NR6A1: variants seen among roughly 807,000 people sequenced by gnomAD.
NR6A1 encodes retinoic acid receptor-related testis-associated receptor.
Under a neutral mutation model 59.1 loss-of-function variants are expected in NR6A1, and 7 were observed. The observed-to-expected ratio is 0.12, with a 90% CI of 0.07 to 0.22. NR6A1 has a LOEUF of 0.22. Ranked by LOEUF, NR6A1 falls within the 10% of genes least tolerant of loss-of-function variation. The pLI is 1.00. For synonymous variants in NR6A1, 243 were observed against 236.1 expected (o/e 1.03, Z -0.27); for missense variants, 468 against 611.6 (o/e 0.77, Z 2.48).
chr9:124,653,389 T>C lies in NR6A1; in HGVS notation c.142+79919A>G, dbSNP rs181350810. Among the ~76,000 whole-genome samples, 583 of 152,212 alleles carry C rather than the reference T, an allele frequency of 3.8e-3. 5 individuals carry two copies. Among genetic ancestry groups the C allele is most frequent in the Non-Finnish European group, 4.2e-3 (285 of 68,006 alleles). ...AATGGGACTATCAGGTGTATGCTGTTATTTTCTGTATTTGTCAGAGGTTTG... is the reference window on the plus strand; with the variant it reads ...AATGGGACTATCAGGTGTATGCTGTCATTTTCTGTATTTGTCAGAGGTTTG... On this transcript the variant is annotated intron_variant, in intron 2 of 9. Coordinates refer to ENST00000487099, the MANE Select transcript of NR6A1 (RefSeq NM_033334.4).
intron 2 of NR6A1, among the ~76,000 whole-genome samples, chr9:124,646,145 C>A (rs544606266): frequency 3.3e-5 from 5 of 152,162 alleles, no homozygotes; most frequent in East Asian, 1.9e-4. Context: ...GCACTGAATG[C>A]ATATGTTAGA....
intron 2 of NR6A1, among the ~76,000 whole-genome samples, chr9:124,563,922 A>G (rs1834156414): frequency 6.6e-6 from 1 of 152,132 alleles, no homozygotes. Flanking sequence ...CGAAAAATAA[A>G]CAAATTAGCC....
chr9:124,767,586 TTTTG>T (rs1421901008), intron 1 of NR6A1, among the ~76,000 whole-genome samples: 2 of 151,996 alleles, frequency 1.3e-5, no homozygotes, highest in Non-Finnish European at 2.9e-5. Flanking sequence ...ATGTTTTTGG[TTTTG>T]TTTTTTTCTA....
chr9:124,686,748 G>T (rs977837730), intron 2 of NR6A1, among the ~76,000 whole-genome samples: 11 of 149,342 alleles, frequency 7.4e-5, no homozygotes, highest in Middle Eastern at 3.2e-3. Flanking sequence ...GTGTTCCCCA[G>T]GCTGGAGTGC....
At chr9:124,546,190 T>A (rs1247289728) in intron 3 of NR6A1, among the ~76,000 whole-genome samples, 1 of 152,220 alleles carries the variant, frequency 6.6e-6, no homozygotes, top group African/African-American at 2.4e-5. Flanking sequence ...CTACTATGTG[T>A]TACATACTGT....
chr9:124,592,919 C>T (rs560826561), intron 2 of NR6A1, among the ~76,000 whole-genome samples: 139 of 152,232 alleles, frequency 9.1e-4, no homozygotes, highest in Admixed American at 2.7e-3. Flanking sequence ...CAAGAAAGTA[C>T]CTAATGAATT....
chr9:124,660,233 A>G (rs1837387977), intron 2 of NR6A1, among the ~76,000 whole-genome samples: 1 of 152,250 alleles, frequency 6.6e-6, no homozygotes, highest in African/African-American at 2.4e-5. Context: ...AACACTAAAA[A>G]TTAAGAGAAA....
At chr9:124,723,064 A>C (rs1472055599) in intron 2 of NR6A1, among the ~76,000 whole-genome samples, 1 of 152,076 alleles carries the variant, frequency 6.6e-6, no homozygotes, top group African/African-American at 2.4e-5. Flanking sequence ...ATATAGTGAC[A>C]TATACTATAT....
intron 2 of NR6A1, among the ~76,000 whole-genome samples, chr9:124,705,657 A>C (rs1839105400): frequency 6.6e-6 from 1 of 152,180 alleles, no homozygotes; most frequent in African/African-American, 2.4e-5. Flanking sequence ...ATTCACATTT[A>C]ATATAACTAC....
At chr9:124,741,419 A>G (rs988389071) in intron 1 of NR6A1, among the ~76,000 whole-genome samples, 22 of 152,382 alleles carry the variant, frequency 1.4e-4, no homozygotes, top group Non-Finnish European at 2.6e-4. Context: ...AATATTAAGT[A>G]TCTACCCATA....
intron 9 of NR6A1, among the ~76,000 whole-genome samples, chr9:124,523,642 A>G (rs1260097531): frequency 1.3e-5 from 2 of 152,086 alleles, no homozygotes; most frequent in South Asian, 2.1e-4. Flanking sequence ...TGCCTGCTTA[A>G]TATCTCATGT....
At chr9:124,660,288 G>A (rs1288504977) in intron 2 of NR6A1, among the ~76,000 whole-genome samples, 1 of 152,150 alleles carries the variant, frequency 6.6e-6, no homozygotes, top group African/African-American at 2.4e-5. Flanking sequence ...GGGGGTATGG[G>A]ATAGAAAATT....
chr9:124,738,244 ACT>A (rs1840069173), intron 1 of NR6A1, among the ~76,000 whole-genome samples: 2 of 152,238 alleles, frequency 1.3e-5, no homozygotes, highest in African/African-American at 4.8e-5. Context: ...ACAGAGCAAG[ACT>A]CTGTCTCAAA....
At chr9:124,608,398 T>C (rs566498168) in intron 2 of NR6A1, among the ~76,000 whole-genome samples, 1 of 152,040 alleles carries the variant, frequency 6.6e-6, no homozygotes, top group East Asian at 1.9e-4. Flanking sequence ...CAGTGTTTGG[T>C]TTTCTGTTCC....
At chr9:124,675,106 G>C (rs1417307011) in intron 2 of NR6A1, among the ~76,000 whole-genome samples, 1 of 152,086 alleles carries the variant, frequency 6.6e-6, no homozygotes, top group African/African-American at 2.4e-5. Flanking sequence ...CTTCATCCCT[G>C]GGCAAGTCAG....
chr9:124,694,262 G>A (rs1477964227), intron 2 of NR6A1, among the ~76,000 whole-genome samples: 4 of 151,962 alleles, frequency 2.6e-5, no homozygotes, highest in African/African-American at 9.7e-5. Context: ...TACATACACA[G>A]ATAAATAGCT....
chr9:124,694,812 T>C (rs1278251319), intron 2 of NR6A1, among the ~76,000 whole-genome samples: 1 of 152,188 alleles, frequency 6.6e-6, no homozygotes, highest in African/African-American at 2.4e-5. Flanking sequence ...AAGGCTTTCC[T>C]GTCAAATTAG....
intron 1 of NR6A1, among the ~76,000 whole-genome samples, chr9:124,757,896 C>G (rs1588859192): frequency 6.6e-6 from 1 of 152,224 alleles, no homozygotes; most frequent in South Asian, 2.1e-4. Context: ...TACAGTGTTT[C>G]ACACACTTCG....
chr9:124,756,170 T>A (rs1415327354), intron 1 of NR6A1, among the ~76,000 whole-genome samples: 1 of 152,222 alleles, frequency 6.6e-6, no homozygotes, highest in South Asian at 2.1e-4. Flanking sequence ...CTTTTGAAAT[T>A]GACAAAAGCT....
Sources: gnomAD v4.1 joint callset for allele counts (sites outside exome capture counted in the v4.1 genomes callset) on GRCh38, gnomAD v4.1.1 for gene constraint, MANE v1.5 for transcripts, NCBI Gene and HGNC (gene_info 2026-07-23, HGNC 2026-07-21) for gene names.